The following CPED1 variants were observed in gnomAD, a reference collection of about 807,000 sequenced individuals.
The protein encoded by CPED1 is cadherin like and PC-esterase domain containing 1, also known as cadherin-like and PC-esterase domain-containing protein 1.
In CPED1, 114 loss-of-function variants were observed where a neutral mutation model predicts 128.2. The observed-to-expected ratio is 0.89, with a 90% confidence interval of 0.76 to 1.04. The LOEUF (loss-of-function observed/expected upper bound fraction) is 1.04, where lower values mean the gene tolerates loss of function less well. CPED1 is among the 50% of genes least tolerant of loss of function. CPED1 has a pLI of 0.00. For synonymous variants in CPED1, 462 were observed against 426.7 expected (o/e 1.08, Z -1.02); for missense variants, 1,211 against 1,207.1 (o/e 1.00, Z -0.05).
intron 2 of CPED1, among the ~76,000 whole-genome samples, chr7:121,004,870 A>T (rs1406686991): frequency 2.6e-5 from 4 of 152,190 alleles, no homozygotes; most frequent in African/African-American, 7.2e-5. Context: ...GTAGTTGTAC[A>T]ATTAACAAAT....
In CPED1 at chr7:121,141,984, AC is replaced by A. The variant is rs1237754422; in HGVS notation, c.1901del (p.Pro634LeufsTer4). ...CTCTTTCTCTCCAGCTTTGCCAGCT[AC>A]CCTCTGGGCTTAGGAATGAACAAAA... ...YEQAGPSFAS[Y>X]PLGLGMNKIS... On this transcript the variant is annotated frameshift_variant, in exon 16 of 23. Transcript: ENST00000310396. LOFTEE classifies it high-confidence loss of function. 3 of 1,611,880 alleles carry A rather than the reference AC, an allele frequency of 1.9e-6. No individual in the cohort carries two copies. Among genetic ancestry groups the A allele is most frequent in the Non-Finnish European group, 2.5e-6 (3 of 1,178,558 alleles).
At chr7:121,092,604 T>C (rs190795096) in intron 5 of CPED1, among the ~76,000 whole-genome samples, 1 of 152,312 alleles carries the variant, frequency 6.6e-6, no homozygotes, top group Admixed American at 6.5e-5. Flanking sequence ...CTTGTAAACT[T>C]GACTCTACCT....
At chr7:121,167,497 G>A (rs1000301161) in intron 16 of CPED1, among the ~76,000 whole-genome samples, 1 of 152,158 alleles carries the variant, frequency 6.6e-6, no homozygotes, top group Non-Finnish European at 1.5e-5. Context: ...CTAACAAGGT[G>A]AGCAGTCATG....
At chr7:121,148,534 A>G (rs1027162465) in intron 16 of CPED1, among the ~76,000 whole-genome samples, 6 of 152,192 alleles carry the variant, frequency 3.9e-5, no homozygotes, top group Non-Finnish European at 8.8e-5. Context: ...GATCATTAGT[A>G]AAGGTGGGGT....
At chr7:121,024,474 G>A (rs968083609) in intron 3 of CPED1, among the ~76,000 whole-genome samples, 51 of 152,094 alleles carry the variant, frequency 3.4e-4, no homozygotes, top group African/African-American at 9.2e-4. Flanking sequence ...GCCCCTTCAA[G>A]CCTAGCTTCC....
chr7:121,131,492 GT>G (rs35424690), intron 12 of CPED1, among the ~76,000 whole-genome samples: 2,072 of 134,022 alleles, frequency 0.015, 17 homozygotes, highest in African/African-American at 0.035. Context: ...CTGTTTCAAA[GT>G]TTTTTTTTTT....
At chr7:121,272,470 G>A (rs549962338) in intron 22 of CPED1, among the ~76,000 whole-genome samples, 6 of 151,820 alleles carry the variant, frequency 4.0e-5, no homozygotes, top group South Asian at 4.2e-4. Flanking sequence ...CCTTGATGGC[G>A]GTAATACCTC....
chr7:121,168,622 A>G (rs1457139323), intron 16 of CPED1, among the ~76,000 whole-genome samples: 1 of 152,214 alleles, frequency 6.6e-6, no homozygotes, highest in African/African-American at 2.4e-5. Context: ...TTATTTTAAA[A>G]TGTACAATTA....
intron 16 of CPED1, among the ~76,000 whole-genome samples, chr7:121,210,807 A>C (rs1169003583): frequency 6.6e-6 from 1 of 152,000 alleles, no homozygotes; most frequent in Non-Finnish European, 1.5e-5. Flanking sequence ...GAGGGAGTAC[A>C]ATTGAAATGT....
intron 16 of CPED1, among the ~76,000 whole-genome samples, chr7:121,197,903 G>A (rs561078177): frequency 6.6e-6 from 1 of 152,252 alleles, no homozygotes; most frequent in South Asian, 2.1e-4. Context: ...CAAGCTAGTA[G>A]ATGAAACCAA....
chr7:121,190,984 T>C (rs544183769), intron 16 of CPED1, among the ~76,000 whole-genome samples: 2 of 152,270 alleles, frequency 1.3e-5, no homozygotes, highest in South Asian at 4.1e-4. Context: ...GTGCTGAGTT[T>C]TAAAGCCTGT....
At chr7:121,200,957 G>C (rs1797381943) in intron 16 of CPED1, among the ~76,000 whole-genome samples, 2 of 152,178 alleles carry the variant, frequency 1.3e-5, no homozygotes, top group East Asian at 3.9e-4. Flanking sequence ...TCAAAAGAGA[G>C]AGCAGTGAAG....
intron 22 of CPED1, among the ~76,000 whole-genome samples, chr7:121,277,082 G>A (rs1464485084): frequency 6.6e-6 from 1 of 151,804 alleles, no homozygotes; most frequent in African/African-American, 2.4e-5. Context: ...TAAAAGAGAA[G>A]TGTAAGTATA....
In CPED1 at chr7:121,244,191, A is replaced by G. The variant is rs1209954496; in HGVS notation, c.2174-11A>G. ...AAACAGAACCAAAGAAAGTTTTGCC[A>G]TCTATTCCAGGCCAGTGGATTGTGC... On this transcript the variant is annotated splice_polypyrimidine_tract_variant and intron_variant, in intron 17 of 22. Transcript: ENST00000310396. The G allele has an allele frequency of 3.1e-6, 5 of 1,614,148 alleles. No homozygotes were observed. The South Asian group carries it at 5.5e-5, about 18-fold the overall frequency.
At chr7:121,269,792 A>G (rs1792197572) in intron 21 of CPED1, among the ~76,000 whole-genome samples, 11 of 151,988 alleles carry the variant, frequency 7.2e-5, no homozygotes, top group Admixed American at 7.2e-4. Flanking sequence ...TGTATGTTGT[A>G]TTAGTCTGCT....
chr7:121,072,716 G>A (rs1384383916), intron 5 of CPED1, among the ~76,000 whole-genome samples: 2 of 152,004 alleles, frequency 1.3e-5, no homozygotes, highest in African/African-American at 2.4e-5. Flanking sequence ...GAAGACACAC[G>A]GCAGTTCACA....
In CPED1 at chr7:121,236,817, C is replaced by T. The variant is rs750853254; in HGVS notation, c.2159C>T (p.Ser720Phe). ...CAGTCTGAACTAAAAAGATGTCCAT[C>T]TGGGGACATGAAAGGTGACTATCAC... ...ILQSELKRCP[S>F]GDMKGQWIVP... The change falls in exon 17 of 23, where the codon TCT (serine) becomes TTT (phenylalanine). Residue 720 changes from serine to phenylalanine, a missense_variant. Physicochemically the swap from Ser to Phe is radical, Grantham distance 155. Coordinates refer to ENST00000310396, the MANE Select transcript of CPED1 (RefSeq NM_024913.5). The T allele has an allele frequency of 1.3e-6, 2 of 1,578,098 alleles. No individual in the cohort carries two copies. The highest frequency in any genetic ancestry group is 1.7e-6 in the Non-Finnish European group (2 of 1,153,574).
chr7:121,234,533 G>A (rs1798211144), intron 16 of CPED1, among the ~76,000 whole-genome samples: 1 of 151,982 alleles, frequency 6.6e-6, no homozygotes, highest in Non-Finnish European at 1.5e-5. Context: ...GTCTCCAGCT[G>A]AGGTGGTGAA....
intron 16 of CPED1, among the ~76,000 whole-genome samples, chr7:121,189,229 G>T (rs1797072016): frequency 6.6e-6 from 1 of 152,074 alleles, no homozygotes; most frequent in South Asian, 2.1e-4. Flanking sequence ...ATCAATGAAG[G>T]TGTATTAATC....
Sources: allele counts gnomAD v4.1 joint callset (sites outside exome capture counted in the v4.1 genomes callset), GRCh38; gene constraint gnomAD v4.1.1; transcripts MANE v1.5; gene names NCBI Gene and HGNC (gene_info 2026-07-23, HGNC 2026-07-21).